LY86: variants seen among roughly 807,000 people sequenced by gnomAD.
LY86 encodes the protein MD-1, RP105-associated.
Under a neutral mutation model 17.3 loss-of-function variants are expected in LY86, and 20 were observed. The observed-to-expected ratio is 1.15, with a 90% CI of 0.81 to 1.68. LY86 has a LOEUF of 1.68. Ranked by LOEUF, LY86 falls within the 40% of genes most tolerant of loss-of-function variation. The pLI is 0.00. For synonymous variants in LY86, 74 were observed against 70.6 expected (o/e 1.05, Z -0.24); for missense variants, 200 against 191.9 (o/e 1.04, Z -0.25).
At chr6:6,606,668 C>T (rs1194677261) in intron 1 of LY86, among the ~76,000 whole-genome samples, 2 of 152,234 alleles carry the variant, frequency 1.3e-5, no homozygotes, top group African/African-American at 2.4e-5. Context: ...AGCTACTGGC[C>T]CAGGTGCTAA....
In LY86 at chr6:6,654,877, T is replaced by C. The variant is rs2113172032; in HGVS notation, c.*250T>C. The C allele has an allele frequency of 4.5e-6, 2 of 447,530 alleles. No homozygotes were observed. The highest frequency in any genetic ancestry group is 7.4e-5 in the East Asian group (2 of 26,880). The allele number at this position is 447,530 out of a possible 1,614,324, so 27.7% of individuals were successfully genotyped here. A position where few individuals can be genotyped will look rare whatever the true frequency, so the allele number is the denominator to read the frequency against. On this transcript the variant is annotated 3_prime_UTR_variant, in exon 5 of 5. Coordinates refer to ENST00000230568, the MANE Select transcript of LY86 (RefSeq NM_004271.4). Reference sequence around the variant, plus strand: ...GGCAGTCCTTAAGCAGTCTTGAGGGTCCATCCTTTTTCTCTAATTGGTCGC... The same window carrying C: ...GGCAGTCCTTAAGCAGTCTTGAGGGCCCATCCTTTTTCTCTAATTGGTCGC...
At chr6:6,648,078 A>G (rs111960755) in intron 3 of LY86, among the ~76,000 whole-genome samples, 2 of 151,504 alleles carry the variant, frequency 1.3e-5, no homozygotes, top group African/African-American at 4.8e-5. Flanking sequence ...TCAAACCAAA[A>G]TCTTCCTGGC....
intron 4 of LY86, among the ~76,000 whole-genome samples, chr6:6,650,720 A>T (rs937460500): frequency 2.0e-5 from 3 of 152,194 alleles, no homozygotes; most frequent in Non-Finnish European, 2.9e-5. Context: ...TGTGTATGTA[A>T]TATGTAGTGA....
intron 1 of LY86, among the ~76,000 whole-genome samples, chr6:6,601,465 G>GA (rs1399324255): frequency 6.6e-6 from 1 of 152,244 alleles, no homozygotes; most frequent in African/African-American, 2.4e-5. Flanking sequence ...GCTCACGCCT[G>GA]TAATCCCAGC....
intron 1 of LY86, among the ~76,000 whole-genome samples, chr6:6,606,564 C>T (rs1303107577): frequency 2.0e-5 from 3 of 152,264 alleles, no homozygotes; most frequent in South Asian, 2.1e-4. Context: ...CAGGAGCCCA[C>T]GGAGCGGGGG....
intron 4 of LY86, 29 bp from the exon 5 acceptor site, chr6:6,654,515 G>A (rs369366070): frequency 4.3e-5 from 66 of 1,541,124 alleles, no homozygotes; most frequent in Admixed American, 1.0e-4. Flanking sequence ...TGGGTCACAC[G>A]TCTAATACTT....
intron 3 of LY86, among the ~76,000 whole-genome samples, chr6:6,634,106 C>A (rs1032902115): frequency 6.6e-6 from 1 of 152,120 alleles, no homozygotes; most frequent in African/African-American, 2.4e-5. Context: ...TGATTCATGG[C>A]GCATCCATGC....
intron 3 of LY86, among the ~76,000 whole-genome samples, chr6:6,646,134 A>C (rs1192545766): frequency 2.0e-5 from 3 of 152,194 alleles, no homozygotes; most frequent in Non-Finnish European, 4.4e-5. Flanking sequence ...TGGGCAAAGC[A>C]CCAGCATGAC....
intron 1 of LY86, among the ~76,000 whole-genome samples, chr6:6,612,091 ATCCAAAAGCAAGCTGATTATT>A (rs1761363936): frequency 6.6e-6 from 1 of 152,246 alleles, no homozygotes; most frequent in Admixed American, 6.5e-5. Flanking sequence ...ATTTGAGAAG[ATCCAAAAGCAAGCTGATTATT>A]TCCAAAAATC....
intron 1 of LY86, among the ~76,000 whole-genome samples, chr6:6,589,614 A>G (rs1250633445): frequency 2.0e-5 from 3 of 152,130 alleles, no homozygotes; most frequent in Non-Finnish European, 4.4e-5. Flanking sequence ...GGGGACTTAA[A>G]TAACAGATTT....
rs1762236061 is a variant in LY86 at position 6,654,723 on chromosome 6, C to T, written c.*96C>T. The T allele has an allele frequency of 9.6e-7, 1 of 1,046,218 alleles. No homozygotes were observed. 64.8% of individuals were successfully genotyped at this position (1,046,218 alleles called of 1,614,324 possible). A position where few individuals can be genotyped will look rare whatever the true frequency, so the allele number is the denominator to read the frequency against. The stretch of plus-strand genomic sequence containing the variant: ...CTGTGGGAGGAGAAGCAGCTGATGA[C>T]AGAGAGAGGCTCTACAAAGAAGCGC... On this transcript the variant is annotated 3_prime_UTR_variant, in exon 5 of 5. Coordinates refer to ENST00000230568, the MANE Select transcript of LY86 (RefSeq NM_004271.4).
intron 1 of LY86, among the ~76,000 whole-genome samples, chr6:6,589,391 C>T (rs531504836): frequency 3.9e-5 from 6 of 152,318 alleles, no homozygotes; most frequent in East Asian, 1.9e-4. Flanking sequence ...GCAAGCACTT[C>T]GCATGCAGCT....
intron 1 of LY86, among the ~76,000 whole-genome samples, chr6:6,594,835 T>C (rs1760649239): frequency 6.6e-6 from 1 of 152,356 alleles, no homozygotes; most frequent in South Asian, 2.1e-4. Flanking sequence ...TATCTCCATT[T>C]TCTGGATATA....
At chr6:6,595,413 G>A (rs1760678533) in intron 1 of LY86, among the ~76,000 whole-genome samples, 1 of 145,276 alleles carries the variant, frequency 6.9e-6, no homozygotes, top group Non-Finnish European at 1.5e-5. Context: ...AGATGAAAGG[G>A]GAGAAAGAAG....
intron 1 of LY86, among the ~76,000 whole-genome samples, chr6:6,611,689 G>C (rs1007357374): frequency 1.3e-5 from 2 of 152,210 alleles, no homozygotes; most frequent in African/African-American, 4.8e-5. Flanking sequence ...CTGCGCGCCG[G>C]TCGTGTTTGT....
At chr6:6,618,702 A>G (rs1453185579) in intron 1 of LY86, among the ~76,000 whole-genome samples, 1 of 152,250 alleles carries the variant, frequency 6.6e-6, no homozygotes, top group Non-Finnish European at 1.5e-5. Context: ...AAGCCAGTTC[A>G]TACGTATGAC....
chr6:6,599,094 C>G (rs1305135099), intron 1 of LY86, among the ~76,000 whole-genome samples: 2 of 152,198 alleles, frequency 1.3e-5, no homozygotes, highest in Admixed American at 6.5e-5. Flanking sequence ...ATAGAAAAAA[C>G]TGCATAGTTG....
At chr6:6,603,610 A>C (rs200442691) in intron 1 of LY86, among the ~76,000 whole-genome samples, 1,293 of 35,210 alleles carry the variant, frequency 0.037, 79 homozygotes, top group East Asian at 0.14. Flanking sequence ...AAACAGAAAA[A>C]AAAACAAACA....
chr6:6,617,759 G>A (rs1279048436), intron 1 of LY86, among the ~76,000 whole-genome samples: 1 of 152,116 alleles, frequency 6.6e-6, no homozygotes, highest in Non-Finnish European at 1.5e-5. Context: ...ATGCTATGTG[G>A]CGCCATGGCA....
Sources: allele counts gnomAD v4.1 joint callset (sites outside exome capture counted in the v4.1 genomes callset), GRCh38; gene constraint gnomAD v4.1.1; transcripts MANE v1.5; gene names NCBI Gene and HGNC (gene_info 2026-07-23, HGNC 2026-07-21).